NVL: variants seen among roughly 807,000 people sequenced by gnomAD.
NVL encodes the protein nuclear VCP like.
Under a neutral mutation model 110.2 loss-of-function variants are expected in NVL, and 84 were observed. The observed-to-expected ratio is 0.76, with a 90% confidence interval of 0.64 to 0.91. The LOEUF is 0.91. Among genes scored for constraint, NVL ranks in the 40% least tolerant of loss-of-function variants. The pLI is 0.00. For missense variants in NVL, 882 were observed against 1,035.9 expected, an observed-to-expected ratio of 0.85 and a Z score of 2.04; for synonymous variants, 354 against 361.1, an observed-to-expected ratio of 0.98 and a Z score of 0.22.
chr1:224,239,072 T>G (rs1660861005), intron 19 of NVL, among the ~76,000 whole-genome samples: 1 of 152,206 alleles, frequency 6.6e-6, no homozygotes, highest in Non-Finnish European at 1.5e-5. Context: ...TTTCTTGATC[T>G]GGAGACTTTG....
At chr1:224,257,101 C>G (rs759562384) in intron 18 of NVL, 3 of 530,370 alleles carry the variant, frequency 5.7e-6, no homozygotes, top group Admixed American at 4.0e-5. Flanking sequence ...GAAGAGAAAG[C>G]CTAAGAGACA....
intron 2 of NVL, among the ~76,000 whole-genome samples, chr1:224,318,673 C>T (rs1280995445): frequency 6.6e-6 from 1 of 151,242 alleles, no homozygotes; most frequent in African/African-American, 2.4e-5. Flanking sequence ...AAATTCTCAG[C>T]ATGTATCTCT....
At chr1:224,238,996 G>A (rs540612205) in intron 19 of NVL, among the ~76,000 whole-genome samples, 14 of 152,134 alleles carry the variant, frequency 9.2e-5, no homozygotes, top group East Asian at 3.9e-4. Flanking sequence ...TCCTGCCCCC[G>A]CCTCCCAACC....
At chr1:224,278,226 CTTTTTT>C (rs931102981) in intron 16 of NVL, among the ~76,000 whole-genome samples, 2 of 111,132 alleles carry the variant, frequency 1.8e-5, no homozygotes, top group African/African-American at 3.7e-5. Context: ...ATCATCTAAT[CTTTTTT>C]TTTTTTTTTT....
chr1:224,326,570 T>G, intron 1 of NVL, 106 bp from the exon 2 acceptor site: 1 of 684,048 alleles, frequency 1.5e-6, no homozygotes, highest in Non-Finnish European at 2.5e-6. Flanking sequence ...AGATAAACTC[T>G]TCGTTAATAA....
chr1:224,315,867 C>T (rs1026211157), intron 4 of NVL, among the ~76,000 whole-genome samples: 3 of 152,058 alleles, frequency 2.0e-5, no homozygotes, highest in Non-Finnish European at 2.9e-5. Flanking sequence ...TTGTAATAGC[C>T]AGAAACTGGA....
chr1:224,267,426 G>A (rs1215082399), intron 18 of NVL, among the ~76,000 whole-genome samples: 2 of 151,982 alleles, frequency 1.3e-5, no homozygotes, highest in African/African-American at 2.4e-5. Context: ...AGTGGCTCAC[G>A]TCTGTAATCC....
intron 17 of NVL, among the ~76,000 whole-genome samples, chr1:224,271,886 C>T (rs1023444730): frequency 1.3e-5 from 2 of 151,636 alleles, no homozygotes; most frequent in Non-Finnish European, 2.9e-5. Flanking sequence ...TGGTGGTGTG[C>T]GCCTGTAATC....
Position 224,318,831 on chromosome 1 carries a change from A to T in NVL, c.132-901T>A, listed in dbSNP as rs558083183. Reference sequence around the variant, plus strand: ...ACCTCGTCTCTTCTAAAAATAAAAAAAAAAAAAATTAGCCAGGCGTGGTGG... The same window carrying T: ...ACCTCGTCTCTTCTAAAAATAAAAATAAAAAAAATTAGCCAGGCGTGGTGG... On this transcript the variant is annotated intron_variant, in intron 2 of 22. Transcript: ENST00000281701. Among the ~76,000 whole-genome samples, 234 of 151,438 alleles carry T rather than the reference A, an allele frequency of 1.5e-3. 1 individual carries two copies. Among genetic ancestry groups the T allele is most frequent in the Non-Finnish European group, 2.6e-3 (175 of 67,828 alleles).
intron 16 of NVL, 109 bp downstream of exon 16, chr1:224,281,014 A>C (rs1384680233): frequency 9.8e-7 from 1 of 1,020,738 alleles, no homozygotes; most frequent in East Asian, 2.4e-5. Context: ...ACTGATTTTA[A>C]ATACCAAAAT....
intron 4 of NVL, among the ~76,000 whole-genome samples, chr1:224,313,541 G>T (rs1669764843): frequency 6.6e-6 from 1 of 152,110 alleles, no homozygotes; most frequent in African/African-American, 2.4e-5. Context: ...GAAAGCAGTT[G>T]TAATGCATAT....
chr1:224,286,959 AGTCTTT>A (rs1456715059), intron 14 of NVL, among the ~76,000 whole-genome samples: 4 of 152,208 alleles, frequency 2.6e-5, no homozygotes, highest in African/African-American at 9.6e-5. Context: ...AAGTTCAGAA[AGTCTTT>A]GTCAAACAAT....
At chr1:224,292,704 T>C (rs1382091877) in intron 12 of NVL, among the ~76,000 whole-genome samples, 1 of 152,024 alleles carries the variant, frequency 6.6e-6, no homozygotes, top group Non-Finnish European at 1.5e-5. Flanking sequence ...TCCCACACTG[T>C]TCCTGGACCT....
Position 224,294,271 on chromosome 1 carries a change from C to T in NVL, c.1321G>A (p.Glu441Lys). 3 of 1,614,084 alleles carry T rather than the reference C, an allele frequency of 1.9e-6. No homozygotes were observed. The highest frequency in any genetic ancestry group is 2.5e-6 in the Non-Finnish European group (3 of 1,180,036). Residue 441 changes from glutamate (E) to lysine (K), a missense_variant, in exon 12 of 23, where the codon GAA becomes AAA. Physicochemically the swap from Glu to Lys is moderately conservative, Grantham distance 56. Coordinates refer to ENST00000281701, the MANE Select transcript of NVL (RefSeq NM_002533.4). ...CLGIPDEASR[E>K]RILQTLCRKL... ...CTTCATTCTATAAGAATATACCTTT[C>T]CCTGGATGCTTCATCTGGGATACCT...
intron 19 of NVL, among the ~76,000 whole-genome samples, chr1:224,238,739 G>T (rs1443704232): frequency 6.6e-6 from 1 of 152,114 alleles, no homozygotes; most frequent in Non-Finnish European, 1.5e-5. Flanking sequence ...TCAGGATAGT[G>T]GTCAATCCTG....
chr1:224,284,364 C>A (rs1456938538), intron 15 of NVL, among the ~76,000 whole-genome samples: 1 of 151,402 alleles, frequency 6.6e-6, no homozygotes, highest in African/African-American at 2.4e-5. Flanking sequence ...AATAAACATA[C>A]TTAAATAAAA....
At chr1:224,267,832 C>T (rs1020942348) in intron 18 of NVL, among the ~76,000 whole-genome samples, 1 of 152,110 alleles carries the variant, frequency 6.6e-6, no homozygotes, top group African/African-American at 2.4e-5. Flanking sequence ...CTTTCTAAGC[C>T]TTTATTTCAA....
At chr1:224,294,725 C>A (rs3767724) in intron 11 of NVL, among the ~76,000 whole-genome samples, 8,453 of 152,104 alleles carry the variant, frequency 0.056, 356 homozygotes, top group African/African-American at 0.11. Flanking sequence ...GAAAAGACAT[C>A]ATGAATTCCA....
chr1:224,312,345 C>G (rs1032832021), intron 4 of NVL, among the ~76,000 whole-genome samples: 3 of 152,146 alleles, frequency 2.0e-5, no homozygotes, highest in Non-Finnish European at 4.4e-5. Flanking sequence ...CCAAATACAA[C>G]TTCTGCAAGA....
Sources: gnomAD v4.1 joint callset for allele counts (sites outside exome capture counted in the v4.1 genomes callset) on GRCh38, gnomAD v4.1.1 for gene constraint, MANE v1.5 for transcripts, NCBI Gene and HGNC (gene_info 2026-07-23, HGNC 2026-07-21) for gene names.